The following PKD1L3 variants were observed in gnomAD, a reference collection of about 807,000 sequenced individuals.
PKD1L3 encodes the protein polycystin-1-like protein 3.
PKD1L3 carries 239 observed loss-of-function variants against 184.1 expected under a neutral mutation model. That is an observed-to-expected ratio of 1.30 (90% CI 1.17 to 1.45). The LOEUF (loss-of-function observed/expected upper bound fraction) is 1.45, where lower values mean the gene tolerates loss of function less well. Ranked by LOEUF, PKD1L3 falls within the 40% of genes most tolerant of loss-of-function variation. The pLI is 0.00. For synonymous variants in PKD1L3, 996 were observed against 778.8 expected (o/e 1.28, Z -4.64); for missense variants, 2,660 against 2,067.2 (o/e 1.29, Z -5.56).
chr16:71,946,182 G>T (rs138463351), intron 22 of PKD1L3, among the ~76,000 whole-genome samples: 22 of 152,212 alleles, frequency 1.4e-4, no homozygotes, highest in African/African-American at 5.3e-4. Context: ...GGTCACAAAT[G>T]GAAGGCAGTT....
chr16:71,936,223 G>A (rs964147713), intron 25 of PKD1L3, among the ~76,000 whole-genome samples: 11 of 66,264 alleles, frequency 1.7e-4, no homozygotes, highest in African/African-American at 6.6e-4. Flanking sequence ...TTTTTTTTTT[G>A]AGACAGAGTT....
intron 23 of PKD1L3, 131 bp downstream of exon 23, chr16:71,943,899 A>G (rs2038458329): frequency 5.2e-6 from 6 of 1,154,976 alleles, no homozygotes; most frequent in Non-Finnish European, 7.2e-6. Flanking sequence ...CTGGAATCCC[A>G]AATCTCACAG....
At chr16:71,944,210 T>C (rs953636834) in intron 22 of PKD1L3, 40 bp from the exon 23 acceptor site, 1 of 1,505,640 alleles carries the variant, frequency 6.6e-7, no homozygotes, top group African/African-American at 1.4e-5. Flanking sequence ...AATGTTATAT[T>C]TCATTAAGCA....
intron 2 of PKD1L3, among the ~76,000 whole-genome samples, chr16:71,994,777 T>A (rs549979621): frequency 1.3e-5 from 2 of 152,182 alleles, no homozygotes; most frequent in South Asian, 4.2e-4. Flanking sequence ...GGAGACTGTA[T>A]CACCTGAGGT....
At chr16:71,986,932 TTTTTTTTTTTG>T in intron 4 of PKD1L3, among the ~76,000 whole-genome samples, 1 of 137,702 alleles carries the variant, frequency 7.3e-6, no homozygotes. Context: ...TTTTTTTTTT[TTTTTTTTTTTG>T]AGACAGAGTC....
At position 71,977,388 on chromosome 16, in the gene PKD1L3, A is replaced by C; in HGVS notation, c.1607T>G (p.Val536Gly). ...GGATTTCTCCAAGGAAGTGACGTTCACTGTGATTGTAAGCTGATGTGTGCT... is the reference window on the plus strand; with the variant it reads ...GGATTTCTCCAAGGAAGTGACGTTCCCTGTGATTGTAAGCTGATGTGTGCT... ...NMSTHQLTIT[V>G]NVTSLEKSLI... The change falls in exon 11 of 30, where the codon GTG becomes GGG. Residue 536 changes from valine to glycine, a missense_variant. Physicochemically the swap from Val to Gly is moderately radical, Grantham distance 109. Transcript: ENST00000620267. 1 of 1,551,486 alleles carries C rather than the reference A, an allele frequency of 6.4e-7. No homozygotes were observed. The highest frequency in any genetic ancestry group is 8.7e-7 in the Non-Finnish European group (1 of 1,146,806).
chr16:71,944,156 A>G lies in PKD1L3; in HGVS notation c.3733T>C (p.Ser1245Pro), dbSNP rs965457466. 15 of 1,549,608 alleles carry G rather than the reference A, an allele frequency of 9.7e-6. No homozygotes were observed. In the African/African-American group the frequency reaches 2.1e-4, roughly 21 times the overall value. Residue 1245 changes from serine (S) to proline (P), a missense_variant, in exon 23 of 30, where the codon TCA becomes CCA. Ser to Pro is a moderately conservative substitution (Grantham distance 74). Coordinates refer to ENST00000620267, the MANE Select transcript of PKD1L3 (RefSeq NM_181536.2). ...ILALLAKCSS[S>P]VPGSRDKNNP... is the part of the protein sequence containing the mutation. ...TTCTTATCTCTTGAACCTGGTACTG[A>G]CGAAGAACATTTTGCTGTCAAAAAT...
intron 10 of PKD1L3, among the ~76,000 whole-genome samples, 198 bp from the exon 11 acceptor site, chr16:71,977,665 A>G (rs755370723): frequency 1.3e-5 from 2 of 149,476 alleles, no homozygotes; most frequent in Non-Finnish European, 3.0e-5. Flanking sequence ...TCAAAATGCT[A>G]GGATTATATG....
intron 16 of PKD1L3, among the ~76,000 whole-genome samples, chr16:71,960,948 A>G (rs1289924144): frequency 6.6e-6 from 1 of 152,160 alleles, no homozygotes; most frequent in Non-Finnish European, 1.5e-5. Context: ...GGGAAATAGT[A>G]TTCGCTACCC....
In PKD1L3 at chr16:71,979,851, G is replaced by C; in HGVS notation, c.1333C>G (p.Leu445Val). The C allele has an allele frequency of 6.5e-7, 1 of 1,527,186 alleles. No homozygotes were observed. The highest frequency in any genetic ancestry group is 1.3e-5 in the South Asian group (1 of 79,008). 94.6% of individuals were successfully genotyped at this position (1,527,186 alleles called of 1,614,324 possible). A position where few individuals can be genotyped will look rare whatever the true frequency, so the allele number is the denominator to read the frequency against. ...AAAGCTAAAGCCGACGGAAAGCCTA[G>C]CCTCACAGGGGCTGGGTGACCCAGA... ...YTLGHPAPVR[L>V]GFPSALALKE... The change falls in exon 9 of 30, where the codon CTA becomes GTA. Residue 445 changes from leucine to valine, a missense_variant. Physicochemically the swap from Leu to Val is conservative, Grantham distance 32. Transcript: ENST00000620267.
intron 10 of PKD1L3, 101 bp downstream of exon 10, chr16:71,978,154 C>T (rs1478220829): frequency 1.5e-6 from 2 of 1,296,986 alleles, no homozygotes; most frequent in Non-Finnish European, 1.1e-6. Context: ...AATGGCACTG[C>T]CATCAATCTA....
In PKD1L3 at chr16:71,978,335, T is replaced by C. The variant is rs368776653; in HGVS notation, c.1447A>G (p.Ile483Val). The change falls in exon 10 of 30, where the codon ATT becomes GTT. Residue 483 changes from isoleucine (I) to valine (V), a missense_variant. By Grantham distance (29) the Ile-to-Val change is conservative (BLOSUM62 3). Coordinates refer to ENST00000620267, the MANE Select transcript of PKD1L3 (RefSeq NM_181536.2). ...AACACACTTCCAATGCTTCCAACAA[T>C]GTTTCTGTTGTCCAAATCCTTGAAG... is the stretch of plus-strand genomic sequence containing the variant. Reference protein sequence around the residue: ...NPFKDLDNRNIVGSIGSVLLS... With the variant: ...NPFKDLDNRNVVGSIGSVLLS... 10 of 1,550,430 alleles carry C rather than the reference T, an allele frequency of 6.4e-6. No individual in the cohort carries two copies. The highest frequency in any genetic ancestry group is 7.9e-6 in the Non-Finnish European group (9 of 1,146,356).
intron 6 of PKD1L3, among the ~76,000 whole-genome samples, chr16:71,983,663 CTTTTTTTTTTTTT>C (rs1180950058): frequency 2.0e-5 from 2 of 100,308 alleles, no homozygotes; most frequent in Non-Finnish European, 3.8e-5. Context: ...GATTCTCTTT[CTTTTTTTTTTTTT>C]TTTTTTTTTG....
At chr16:71,958,166 T>C (rs1353204962) in intron 16 of PKD1L3, among the ~76,000 whole-genome samples, 2 of 150,922 alleles carry the variant, frequency 1.3e-5, no homozygotes, top group Non-Finnish European at 3.0e-5. Flanking sequence ...GGCGGGCGGA[T>C]CACGAGGTCA....
intron 19 of PKD1L3, among the ~76,000 whole-genome samples, chr16:71,950,796 G>A (rs1479558406): frequency 2.0e-5 from 3 of 147,990 alleles, no homozygotes; most frequent in Non-Finnish European, 4.4e-5. Context: ...GTAGTGGCAC[G>A]ATCTTGGCTC....
At chr16:71,994,109 G>C (rs1055943104) in intron 2 of PKD1L3, among the ~76,000 whole-genome samples, 3 of 152,124 alleles carry the variant, frequency 2.0e-5, no homozygotes, top group Admixed American at 1.3e-4. Flanking sequence ...GCATACACGA[G>C]CAAGAGTTTC....
chr16:71,963,286 C>T lies in PKD1L3; in HGVS notation c.2531G>A (p.Cys844Tyr), dbSNP rs1293616943. The change falls in exon 16 of 30, where the codon TGC becomes TAC. Residue 844 changes from cysteine (C) to tyrosine (Y), a missense_variant. Transcript: ENST00000620267. ...VKRKWHFLCN[C>Y]WLAVDLGDCE... ...GTCTCCGAGGTCCACAGCCAGCCAG[C>T]AATTGCACAGGAAATGCCACTTCCT... The T allele has an allele frequency of 6.4e-7, 1 of 1,551,488 alleles. No homozygotes were observed. The highest frequency in any genetic ancestry group is 2.0e-5 in the Admixed American group (1 of 50,960).
intron 6 of PKD1L3, 146 bp from the exon 7 acceptor site, chr16:71,982,381 G>T (rs1021009337): frequency 4.6e-6 from 3 of 647,716 alleles, no homozygotes; most frequent in Non-Finnish European, 7.1e-6. Context: ...TGCCTCCCGG[G>T]TTCAAGCAAT....
intron 12 of PKD1L3, among the ~76,000 whole-genome samples, chr16:71,972,257 G>C (rs1048102911): frequency 6.6e-6 from 1 of 152,100 alleles, no homozygotes; most frequent in Non-Finnish European, 1.5e-5. Context: ...TAATTAGCTG[G>C]GTGTGGTGGT....
Sources: gnomAD v4.1 joint callset for allele counts (sites outside exome capture counted in the v4.1 genomes callset) on GRCh38, gnomAD v4.1.1 for gene constraint, MANE v1.5 for transcripts, NCBI Gene and HGNC (gene_info 2026-07-23, HGNC 2026-07-21) for gene names.